The following ADTRP variants were observed in gnomAD, a reference collection of about 807,000 sequenced individuals.
ADTRP encodes the protein androgen-dependent TFPI-regulating protein.
Under a neutral mutation model 27.0 loss-of-function variants are expected in ADTRP, and 20 were observed. That is an observed-to-expected ratio of 0.74 (90% CI 0.52 to 1.08). The LOEUF is 1.08. ADTRP is among the 50% of genes least tolerant of loss of function. The probability of loss-of-function intolerance (pLI) is 0.00; values close to 1 mark genes in which losing one functional copy is unlikely to be tolerated. For missense variants in ADTRP, 251 were observed against 275.0 expected, an observed-to-expected ratio of 0.91 and a Z score of 0.62; for synonymous variants, 101 against 105.2, an observed-to-expected ratio of 0.96 and a Z score of 0.25.
At chr6:11,750,114 A>G (rs1260670757) in intron 3 of ADTRP, among the ~76,000 whole-genome samples, 1 of 152,202 alleles carries the variant, frequency 6.6e-6, no homozygotes, top group Admixed American at 6.5e-5. Flanking sequence ...AGTAAGGCCA[A>G]AGGGACAAAA....
chr6:11,745,008 T>C lies in ADTRP; in HGVS notation c.391-9325A>G, dbSNP rs570584903. On this transcript the variant is annotated intron_variant, in intron 3 of 5. Coordinates refer to ENST00000414691, the MANE Select transcript of ADTRP (RefSeq NM_032744.4). ...CAAACCTTCCGCATGACTGATCCCA[T>C]GACAGATGTTTCCACACTTTCTCCT... 2.1e-4 allele frequency among the ~76,000 whole-genome samples: 32 copies of C among 152,328 alleles called. 1 individual carries two copies. In the East Asian group the frequency reaches 4.4e-3, roughly 21 times the overall value.
chr6:11,716,533 A>C (rs1468814693), intron 5 of ADTRP, among the ~76,000 whole-genome samples: 2 of 152,028 alleles, frequency 1.3e-5, no homozygotes, highest in African/African-American at 4.8e-5. Flanking sequence ...GGTGCTCCCA[A>C]AGTCATTTTA....
At chr6:11,773,823 A>G (rs1763862731) in intron 1 of ADTRP, among the ~76,000 whole-genome samples, 1 of 152,204 alleles carries the variant, frequency 6.6e-6, no homozygotes, top group South Asian at 2.1e-4. Flanking sequence ...TCAATCACTC[A>G]TCTCTATACT....
At chr6:11,723,262 C>A (rs776931207) in intron 5 of ADTRP, 87 bp downstream of exon 5, 1 of 1,499,444 alleles carries the variant, frequency 6.7e-7, no homozygotes, top group Non-Finnish European at 9.1e-7. Flanking sequence ...CTTCTGTTTG[C>A]GGCTAGTTTT....
At chr6:11,716,179 G>A (rs1304065123) in intron 5 of ADTRP, among the ~76,000 whole-genome samples, 4 of 152,100 alleles carry the variant, frequency 2.6e-5, no homozygotes, top group African/African-American at 9.7e-5. Flanking sequence ...CTACCCCGCA[G>A]TCACTCTGAG....
At chr6:11,760,827 T>A (rs1222297951) in intron 3 of ADTRP, among the ~76,000 whole-genome samples, 1 of 152,224 alleles carries the variant, frequency 6.6e-6, no homozygotes, top group Non-Finnish European at 1.5e-5. Context: ...ACTCCTTCCC[T>A]GTGGCTTAGG....
At chr6:11,740,512 T>C (rs1047279958) in intron 3 of ADTRP, among the ~76,000 whole-genome samples, 7 of 152,194 alleles carry the variant, frequency 4.6e-5, no homozygotes, top group Non-Finnish European at 7.4e-5. Context: ...AAACAAACCT[T>C]AATCGAATGC....
At position 11,768,310 on chromosome 6, in the gene ADTRP, A is replaced by T; in HGVS notation, c.227T>A (p.Ile76Asn). The change falls in exon 2 of 6, where the codon ATT (isoleucine) becomes AAT (asparagine). Residue 76 changes from isoleucine to asparagine, a missense_variant. Physicochemically the swap from Ile to Asn is moderately radical, Grantham distance 149. Transcript: ENST00000414691. ...VLKRTKGGKD[I>N]KFLTAFRDLL... ...GTCTCTGAAGGCAGTTAGGAACTTA[A>T]TGTCTTTTCCCCCTTTGGTTCTTTT... The T allele has an allele frequency of 1.2e-6, 2 of 1,614,226 alleles. No homozygotes were observed. Among genetic ancestry groups the T allele is most frequent in the Non-Finnish European group, 1.7e-6 (2 of 1,180,028 alleles).
intron 4 of ADTRP, among the ~76,000 whole-genome samples, chr6:11,725,680 G>T (rs1386047747): frequency 6.6e-6 from 1 of 151,960 alleles, no homozygotes; most frequent in Non-Finnish European, 1.5e-5. Context: ...CCACTTCTGG[G>T]TACACACCCA....
intron 3 of ADTRP, among the ~76,000 whole-genome samples, chr6:11,749,758 T>C (rs968406998): frequency 3.9e-5 from 6 of 152,108 alleles, no homozygotes; most frequent in African/African-American, 9.7e-5. Context: ...TAGAATATGA[T>C]GAATGATCAG....
intron 3 of ADTRP, among the ~76,000 whole-genome samples, chr6:11,743,062 G>C (rs1039815698): frequency 9.2e-5 from 14 of 152,302 alleles, no homozygotes; most frequent in Admixed American, 7.2e-4. Flanking sequence ...TTCTGTATTT[G>C]CAAGGCTGTG....
chr6:11,744,357 C>G (rs1158211756), intron 3 of ADTRP, among the ~76,000 whole-genome samples: 1 of 152,166 alleles, frequency 6.6e-6, no homozygotes, highest in African/African-American at 2.4e-5. Flanking sequence ...TTCTTTACAG[C>G]AATGCAAAAT....
chr6:11,759,031 C>A (rs1329740819), intron 3 of ADTRP, among the ~76,000 whole-genome samples: 4 of 152,154 alleles, frequency 2.6e-5, no homozygotes, highest in African/African-American at 9.7e-5. Flanking sequence ...TTCCTTTAGG[C>A]AGTATGGAGG....
At chr6:11,724,963 G>C (rs1762138979) in intron 4 of ADTRP, among the ~76,000 whole-genome samples, 1 of 152,206 alleles carries the variant, frequency 6.6e-6, no homozygotes, top group African/African-American at 2.4e-5. Context: ...AATTAGGATA[G>C]GCCAGGTTAT....
At chr6:11,747,898 A>G (rs1207726774) in intron 3 of ADTRP, among the ~76,000 whole-genome samples, 1 of 152,156 alleles carries the variant, frequency 6.6e-6, no homozygotes, top group Non-Finnish European at 1.5e-5. Flanking sequence ...CCTCTGCTTA[A>G]TTGCAGACTC....
intron 3 of ADTRP, among the ~76,000 whole-genome samples, chr6:11,741,404 T>C (rs1438481523): frequency 6.6e-6 from 1 of 152,208 alleles, no homozygotes; most frequent in African/African-American, 2.4e-5. Context: ...TAATAAGACA[T>C]TGGGGGAAAC....
At chr6:11,733,143 G>A (rs936796619) in intron 4 of ADTRP, among the ~76,000 whole-genome samples, 3 of 152,116 alleles carry the variant, frequency 2.0e-5, no homozygotes, top group African/African-American at 7.2e-5. Context: ...TTTATTTGTG[G>A]ATTGACTGAT....
Position 11,745,936 on chromosome 6 carries a change from G to A in ADTRP, c.391-10253C>T, listed in dbSNP as rs113250510. On this transcript the variant is annotated intron_variant, in intron 3 of 5. Coordinates refer to ENST00000414691, the MANE Select transcript of ADTRP (RefSeq NM_032744.4). The stretch of plus-strand genomic sequence containing the variant: ...CTCCCAAGTAGCTGGGATTACAGGC[G>A]TGTGCCATTGCACCTGGCTAATTCT... 8.2e-3 allele frequency among the ~76,000 whole-genome samples: 1,253 copies of A among 152,166 alleles called. 14 individuals carry two copies. Among genetic ancestry groups the A allele is most frequent in the Middle Eastern group, 0.065 (19 of 294 alleles).
chr6:11,776,822 G>A (rs2113364476), intron 1 of ADTRP, among the ~76,000 whole-genome samples: 1 of 152,312 alleles, frequency 6.6e-6, no homozygotes, highest in South Asian at 2.1e-4. Context: ...CTTGAATCGG[G>A]AGTTTGACAT....
Sources: gnomAD v4.1 joint callset for allele counts (sites outside exome capture counted in the v4.1 genomes callset) on GRCh38, gnomAD v4.1.1 for gene constraint, MANE v1.5 for transcripts, NCBI Gene and HGNC (gene_info 2026-07-23, HGNC 2026-07-21) for gene names.